The following NRXN1 variants were observed in gnomAD, a reference collection of about 807,000 sequenced individuals.
NRXN1 encodes the protein neurexin 1.
A neutral mutation model predicts 150.9 loss-of-function variants in NRXN1; 39 were observed. That is an observed-to-expected ratio of 0.26 (90% CI 0.20 to 0.34). The LOEUF is 0.34. Among genes scored for constraint, NRXN1 ranks in the 10% least tolerant of loss-of-function variants. The pLI is 1.00. For missense variants in NRXN1, 1,815 were observed against 1,949.9 expected, an observed-to-expected ratio of 0.93 and a Z score of 1.30; for synonymous variants, 924 against 757.0, an observed-to-expected ratio of 1.22 and a Z score of -3.62.
At chr2:50,994,163 T>A (rs1357292184) in intron 2 of NRXN1, among the ~76,000 whole-genome samples, 1 of 151,982 alleles carries the variant, frequency 6.6e-6, no homozygotes, top group East Asian at 1.9e-4. Flanking sequence ...AGTTAAATAA[T>A]CCAATCAGTC....
intron 19 of NRXN1, among the ~76,000 whole-genome samples, chr2:50,055,952 T>C (rs1023310470): frequency 6.6e-6 from 1 of 152,146 alleles, no homozygotes; most frequent in African/African-American, 2.4e-5. Flanking sequence ...AGAAACACTG[T>C]TTAAATTGAC....
intron 19 of NRXN1, among the ~76,000 whole-genome samples, chr2:50,087,916 C>G (rs570773432): frequency 1.3e-5 from 2 of 152,074 alleles, no homozygotes; most frequent in South Asian, 4.1e-4. Flanking sequence ...AAAGCACTTA[C>G]CACAAAGACC....
At chr2:50,560,492 G>C (rs1293929731) in intron 8 of NRXN1, among the ~76,000 whole-genome samples, 1 of 150,734 alleles carries the variant, frequency 6.6e-6, no homozygotes, top group Non-Finnish European at 1.5e-5. Flanking sequence ...CCAGGCTGGA[G>C]TGCAATAATG....
rs995481838 is a variant in NRXN1, at chr2:50,381,530, C to T, written c.3364+83912G>A. 4.3e-3 allele frequency among the ~76,000 whole-genome samples: 451 copies of T among 105,348 alleles called. 5 individuals are homozygous for T. The highest frequency in any genetic ancestry group is 0.024 in the African/African-American group (431 of 18,252). 69.1% of individuals were successfully genotyped at this position (105,348 alleles called of 152,430 possible). A position where few individuals can be genotyped will look rare whatever the true frequency, so the allele number is the denominator to read the frequency against. ...GGGGACTCAGGCTTTTAAACACACA[C>T]ACACACACACACACACACACACACA... On this transcript the variant is annotated intron_variant, in intron 17 of 22. Coordinates refer to ENST00000401669, the MANE Select transcript of NRXN1 (RefSeq NM_001330078.2).
At chr2:50,615,263 A>T (rs1678881872) in intron 8 of NRXN1, 2 of 152,114 alleles carry the variant, frequency 1.3e-5, no homozygotes, top group Non-Finnish European at 2.9e-5. Flanking sequence ...TAGTGGCAGC[A>T]TTCTAAGTTA....
chr2:50,664,709 C>T (rs2104672493), intron 5 of NRXN1, among the ~76,000 whole-genome samples: 1 of 151,086 alleles, frequency 6.6e-6, no homozygotes, highest in Admixed American at 6.6e-5. Flanking sequence ...AAAGCACATA[C>T]TTTGATATTC....
intron 17 of NRXN1, among the ~76,000 whole-genome samples, chr2:50,321,743 T>C (rs1353508400): frequency 6.6e-6 from 1 of 152,146 alleles, no homozygotes; most frequent in African/African-American, 2.4e-5. Flanking sequence ...GATTTAATAC[T>C]ATCTTCCATT....
chr2:50,244,359 T>C (rs1003322895), intron 17 of NRXN1, among the ~76,000 whole-genome samples: 1 of 151,852 alleles, frequency 6.6e-6, no homozygotes, highest in Non-Finnish European at 1.5e-5. Context: ...ATATGCACCA[T>C]TCATATAGAA....
chr2:50,914,864 T>A (rs1470422487), intron 5 of NRXN1, among the ~76,000 whole-genome samples: 1 of 151,642 alleles, frequency 6.6e-6, no homozygotes, highest in Non-Finnish European at 1.5e-5. Flanking sequence ...TAAACAAGAA[T>A]TTATTGAGTA....
intron 4 of NRXN1, 198 bp downstream of exon 4, chr2:50,922,460 A>G: frequency 1.5e-6 from 1 of 647,908 alleles, no homozygotes; most frequent in Non-Finnish European, 2.8e-6. Flanking sequence ...GGAAAATAAA[A>G]GCCACAGGAA....
In NRXN1 at chr2:50,264,572, A is replaced by C. The variant is rs181831614; in HGVS notation, c.3365-27602T>G. On this transcript the variant is annotated intron_variant, in intron 17 of 22. Transcript: ENST00000401669. ...TATATATGTTAAATATATGTATTAT[A>C]TATCTATGTATAATAAATCAATGCA... Among the ~76,000 whole-genome samples, 786 of 152,130 alleles carry C rather than the reference A, an allele frequency of 5.2e-3. 6 individuals carry two copies. The highest frequency in any genetic ancestry group is 0.018 in the African/African-American group (753 of 41,520).
chr2:50,814,355 A>C (rs1294976556), intron 5 of NRXN1, among the ~76,000 whole-genome samples: 1 of 152,138 alleles, frequency 6.6e-6, no homozygotes, highest in Non-Finnish European at 1.5e-5. Context: ...CTAAGGTTGA[A>C]AAATATCTAG....
At chr2:50,794,591 A>T (rs891916075) in intron 5 of NRXN1, among the ~76,000 whole-genome samples, 1 of 152,160 alleles carries the variant, frequency 6.6e-6, no homozygotes, top group Non-Finnish European at 1.5e-5. Context: ...AAAAAAATCA[A>T]TTAAACACAA....
rs554560557 is a variant in NRXN1, at chr2:50,911,776, C to T, written c.832+10093G>A. 2.7e-4 allele frequency among the ~76,000 whole-genome samples: 41 copies of T among 151,738 alleles called. 1 individual carries two copies. Among genetic ancestry groups the T allele is most frequent in the South Asian group, 1.0e-3 (5 of 4,820 alleles). On this transcript the variant is annotated intron_variant, in intron 5 of 22. Transcript: ENST00000401669. Reference sequence around the variant, plus strand: ...CATTACATACAAAGTTTAAAAGTTGCCACATATTCAATTTGATTTTTGTTT... The same window carrying T: ...CATTACATACAAAGTTTAAAAGTTGTCACATATTCAATTTGATTTTTGTTT...
At chr2:50,393,006 C>T (rs946624400) in intron 17 of NRXN1, among the ~76,000 whole-genome samples, 1 of 151,842 alleles carries the variant, frequency 6.6e-6, no homozygotes, top group African/African-American at 2.4e-5. Context: ...GGAAACATTC[C>T]CGGGAAAGAA....
At chr2:49,992,548 G>A (rs902853674) in intron 21 of NRXN1, among the ~76,000 whole-genome samples, 2 of 151,994 alleles carry the variant, frequency 1.3e-5, no homozygotes, top group African/African-American at 4.8e-5. Flanking sequence ...TAGCAACAGA[G>A]TGAGACTCTG....
intron 5 of NRXN1, among the ~76,000 whole-genome samples, chr2:50,647,445 T>A (rs931537357): frequency 1.4e-4 from 22 of 152,140 alleles, no homozygotes; most frequent in African/African-American, 5.3e-4. Context: ...GTTACTATTT[T>A]ATAAGACATC....
At chr2:50,783,935 A>G (rs891039365) in intron 5 of NRXN1, among the ~76,000 whole-genome samples, 4 of 152,132 alleles carry the variant, frequency 2.6e-5, no homozygotes, top group Non-Finnish European at 5.9e-5. Flanking sequence ...CCTCATATTT[A>G]AAGAATACCT....
intron 5 of NRXN1, among the ~76,000 whole-genome samples, chr2:50,891,839 A>G (rs768515123): frequency 6.6e-6 from 1 of 152,060 alleles, no homozygotes; most frequent in Non-Finnish European, 1.5e-5. Context: ...ACTTCTCAAC[A>G]TATTCACTTG....
Sources: allele counts gnomAD v4.1 joint callset (sites outside exome capture counted in the v4.1 genomes callset), GRCh38; gene constraint gnomAD v4.1.1; transcripts MANE v1.5; gene names NCBI Gene and HGNC (gene_info 2026-07-23, HGNC 2026-07-21).